The following PTPRG variants were observed in gnomAD, a reference collection of about 807,000 sequenced individuals.
PTPRG encodes protein tyrosine phosphatase receptor type G.
A neutral mutation model predicts 165.3 loss-of-function variants in PTPRG; 102 were observed. The observed-to-expected ratio is 0.62, with a 90% CI of 0.53 to 0.73. The LOEUF is 0.73. PTPRG is among the 30% of genes least tolerant of loss of function. The probability of loss-of-function intolerance (pLI) is 0.00; values close to 1 mark genes in which losing one functional copy is unlikely to be tolerated. For synonymous variants in PTPRG, 675 were observed against 669.5 expected, an observed-to-expected ratio of 1.01 and a Z score of -0.13; for missense variants, 1,866 against 1,861.4, an observed-to-expected ratio of 1.00 and a Z score of -0.05.
At chr3:62,000,596 C>G (rs529808461) in intron 3 of PTPRG, among the ~76,000 whole-genome samples, 24 of 152,226 alleles carry the variant, frequency 1.6e-4, no homozygotes, top group Admixed American at 1.2e-3. Flanking sequence ...TCTTCAGAAC[C>G]GACAGAGGTA....
intron 2 of PTPRG, among the ~76,000 whole-genome samples, chr3:61,794,112 A>C (rs1324296360): frequency 6.6e-6 from 1 of 152,104 alleles, no homozygotes; most frequent in Non-Finnish European, 1.5e-5. Flanking sequence ...TGAGCACAGA[A>C]GGCCATTTTG....
intron 15 of PTPRG, among the ~76,000 whole-genome samples, chr3:62,253,401 G>GTC: frequency 6.6e-6 from 1 of 152,202 alleles, no homozygotes; most frequent in Non-Finnish European, 1.5e-5. Context: ...AAGTCCTATA[G>GTC]TCTACATACT....
chr3:62,015,082 C>G (rs990943005), intron 4 of PTPRG, among the ~76,000 whole-genome samples: 8 of 152,218 alleles, frequency 5.3e-5, no homozygotes, highest in African/African-American at 1.9e-4. Flanking sequence ...GCCATGATGC[C>G]ATGATAATAC....
intron 17 of PTPRG, among the ~76,000 whole-genome samples, chr3:62,265,224 C>T (rs1701826640): frequency 6.6e-6 from 1 of 152,128 alleles, no homozygotes; most frequent in East Asian, 1.9e-4. Context: ...AATATTTTCT[C>T]ATTCTGTGCA....
At chr3:62,169,836 C>A (rs796394080) in intron 8 of PTPRG, among the ~76,000 whole-genome samples, 1 of 152,064 alleles carries the variant, frequency 6.6e-6, no homozygotes, top group Non-Finnish European at 1.5e-5. Context: ...AGAGTGCCCC[C>A]ACCCCCAACA....
chr3:62,140,787 C>T (rs1472849169), intron 6 of PTPRG, among the ~76,000 whole-genome samples: 1 of 141,940 alleles, frequency 7.0e-6, no homozygotes. Context: ...GTGGAGGTTG[C>T]AGTGAGCCGA....
chr3:61,977,205 C>G (rs1159678749), intron 2 of PTPRG, among the ~76,000 whole-genome samples: 1 of 122,964 alleles, frequency 8.1e-6, no homozygotes, highest in Non-Finnish European at 1.7e-5. Context: ...ACCCCCCACA[C>G]TCCAAGAACA....
chr3:61,571,561 C>A (rs976242919), intron 1 of PTPRG, among the ~76,000 whole-genome samples: 8 of 152,122 alleles, frequency 5.3e-5, no homozygotes, highest in African/African-American at 2.4e-5. Context: ...AAGAGATGAC[C>A]TTTCAGCAAA....
chr3:61,824,053 C>T (rs955944861), intron 2 of PTPRG, among the ~76,000 whole-genome samples: 4 of 151,772 alleles, frequency 2.6e-5, no homozygotes, highest in South Asian at 2.1e-4. Flanking sequence ...GAACCTGGGA[C>T]GCGGAGCTTG....
intron 4 of PTPRG, among the ~76,000 whole-genome samples, chr3:62,033,855 C>T (rs1699854327): frequency 6.6e-6 from 1 of 152,160 alleles, no homozygotes; most frequent in Non-Finnish European, 1.5e-5. Flanking sequence ...GCAACCTCTG[C>T]CTCCCAGGTT....
rs948373804 is a variant in PTPRG, at chr3:61,613,859, C to T, written c.85+51487C>T. On this transcript the variant is annotated intron_variant, in intron 1 of 29. Coordinates refer to ENST00000474889, the MANE Select transcript of PTPRG (RefSeq NM_002841.4). ...AGCAATATACTGTGACCTCTGTGTG[C>T]GGAGACTAATCCAAGGAATTTAGAG... Among the ~76,000 whole-genome samples, 17 of 152,256 alleles carry T rather than the reference C, an allele frequency of 1.1e-4. No homozygotes were observed. The East Asian group carries it at 1.9e-3, about 17-fold the overall frequency.
rs373608054 is a variant in PTPRG at position 61,762,066 on chromosome 3, G to A, written c.190+13084G>A. ...TGGACTAGCACCTGCAAAGATGAGC[G>A]AAGGCATTTTTAGTGTGTTTCTGGC... On this transcript the variant is annotated intron_variant, in intron 2 of 29. Transcript: ENST00000474889. Among the ~76,000 whole-genome samples the A allele has an allele frequency of 7.5e-4, 114 of 152,266 alleles. 4 individuals are homozygous for A. The South Asian group carries it at 0.021, about 29-fold the overall frequency.
intron 2 of PTPRG, among the ~76,000 whole-genome samples, chr3:61,811,046 A>G (rs1176038047): frequency 6.6e-6 from 1 of 152,074 alleles, no homozygotes; most frequent in Non-Finnish European, 1.5e-5. Flanking sequence ...TTCGAATGTG[A>G]CACTTTCTCC....
intron 2 of PTPRG, among the ~76,000 whole-genome samples, chr3:61,757,937 A>G (rs2033687371): frequency 1.3e-5 from 2 of 152,254 alleles, no homozygotes; most frequent in Admixed American, 1.3e-4. Flanking sequence ...TGTTATAATT[A>G]GAGCACAGTG....
intron 7 of PTPRG, among the ~76,000 whole-genome samples, chr3:62,163,109 C>T (rs895803947): frequency 1.3e-5 from 2 of 152,122 alleles, no homozygotes; most frequent in Admixed American, 1.3e-4. Context: ...TGAGAATCCA[C>T]TCACTGTCAC....
chr3:62,132,672 A>G lies in PTPRG; in HGVS notation c.682+4A>G. Reference sequence around the variant, plus strand: ...TTGAAGGGTGTCGTACATCATGGTAAGTATGCCACATACACTTCCTTTTGC... The same window carrying G: ...TTGAAGGGTGTCGTACATCATGGTAGGTATGCCACATACACTTCCTTTTGC... On this transcript the variant is annotated splice_donor_region_variant and intron_variant, in intron 6 of 29. Coordinates refer to ENST00000474889, the MANE Select transcript of PTPRG (RefSeq NM_002841.4). 1 of 1,602,106 alleles carries G rather than the reference A, an allele frequency of 6.2e-7. No homozygotes were observed. The highest frequency in any genetic ancestry group is 8.6e-7 in the Non-Finnish European group (1 of 1,169,076).
In PTPRG at chr3:62,203,758, C is replaced by G. The variant is rs140914977; in HGVS notation, c.1963C>G (p.Gln655Glu). 9.5e-5 allele frequency: 153 copies of G among 1,608,880 alleles called. 1 individual carries two copies. Among genetic ancestry groups the G allele is most frequent in the African/African-American group, 8.7e-4 (65 of 75,000 alleles). The change falls in exon 12 of 30, where the codon CAG (glutamine) becomes GAG (glutamate). Residue 655 changes from glutamine (Q) to glutamate (E), a missense_variant. Gln to Glu is a conservative substitution (Grantham distance 29). Coordinates refer to ENST00000474889, the MANE Select transcript of PTPRG (RefSeq NM_002841.4). This position sits in a 1 kb window ranked among gnomAD's most constrained non-coding sequence, Gnocchi z 6.4. ...GGATCACACTGCCGTCCCCACAGAC[C>G]AGACGGGCGGAAGGAGGGATGCCGG... ...EQDHTAVPTD[Q>E]TGGRRDAGPG...
chr3:61,778,972 G>A (rs183383698), intron 2 of PTPRG, among the ~76,000 whole-genome samples: 12 of 152,138 alleles, frequency 7.9e-5, no homozygotes, highest in Admixed American at 2.0e-4. Context: ...GAAGGAAGGA[G>A]CTGGATCCTG....
intron 1 of PTPRG, among the ~76,000 whole-genome samples, chr3:61,653,903 G>GGT (rs1553644925): frequency 0.062 from 8,555 of 137,910 alleles, 1,109 homozygotes; most frequent in African/African-American, 0.2. Flanking sequence ...GAGCGGTGGG[G>GGT]GGCGCGGGGA....
Sources: gnomAD v4.1 joint callset for allele counts (sites outside exome capture counted in the v4.1 genomes callset) on GRCh38, gnomAD v4.1.1 for gene constraint, Gnocchi (gnomAD v3.1) non-coding constraint, MANE v1.5 for transcripts, NCBI Gene and HGNC (gene_info 2026-07-23, HGNC 2026-07-21) for gene names.